The following CNTNAP2 variants were observed in gnomAD, a reference collection of about 807,000 sequenced individuals.
CNTNAP2 encodes contactin-associated protein-like 2.
A neutral mutation model predicts 155.2 loss-of-function variants in CNTNAP2; 98 were observed. That is an observed-to-expected ratio of 0.63 (90% confidence interval 0.54 to 0.75). The LOEUF (loss-of-function observed/expected upper bound fraction) is 0.75. CNTNAP2 is among the 30% of genes least tolerant of loss of function. The pLI is 0.00. For synonymous variants in CNTNAP2, 651 were observed against 631.2 expected (o/e 1.03, Z -0.47); for missense variants, 1,727 against 1,688.1 (o/e 1.02, Z -0.40).
chr7:147,733,535 G>C (rs1796782607), intron 13 of CNTNAP2, among the ~76,000 whole-genome samples: 1 of 152,148 alleles, frequency 6.6e-6, no homozygotes, highest in South Asian at 2.1e-4. Flanking sequence ...CTTTAAAGTA[G>C]TTTTTTCCAA....
At chr7:147,007,963 G>T (rs1165562117) in intron 3 of CNTNAP2, among the ~76,000 whole-genome samples, 5 of 152,032 alleles carry the variant, frequency 3.3e-5, no homozygotes, top group Admixed American at 3.3e-4. Context: ...AATAAAATAA[G>T]TGCAAGTTCA....
intron 14 of CNTNAP2, among the ~76,000 whole-genome samples, chr7:147,930,542 T>A (rs2538998): frequency 0.59 from 89,364 of 152,108 alleles, 29,220 homozygotes; most frequent in African/African-American, 0.86. Flanking sequence ...TGTAACAATT[T>A]TATATGCACC....
At chr7:146,168,949 T>A (rs1798351167) in intron 1 of CNTNAP2, among the ~76,000 whole-genome samples, 1 of 152,084 alleles carries the variant, frequency 6.6e-6, no homozygotes, top group Non-Finnish European at 1.5e-5. Context: ...AACCTACTAT[T>A]CTCCCTCCTG....
At chr7:146,837,648 A>G (rs569547920) in intron 2 of CNTNAP2, among the ~76,000 whole-genome samples, 1 of 152,178 alleles carries the variant, frequency 6.6e-6, no homozygotes, top group African/African-American at 2.4e-5. Context: ...TTATGGATGC[A>G]ATGTTGTTCA....
intron 13 of CNTNAP2, among the ~76,000 whole-genome samples, chr7:147,738,159 T>G (rs1796890077): frequency 6.6e-6 from 1 of 152,120 alleles, no homozygotes; most frequent in East Asian, 1.9e-4. Flanking sequence ...CATCTTGGAA[T>G]CGCCCCCCGA....
chr7:146,856,718 C>T (rs940234894), intron 3 of CNTNAP2, among the ~76,000 whole-genome samples: 5 of 152,062 alleles, frequency 3.3e-5, no homozygotes, highest in African/African-American at 1.2e-4. Context: ...TGAGAAGGAC[C>T]CAACACCGTG....
At chr7:147,530,629 C>T (rs577951156) in intron 11 of CNTNAP2, among the ~76,000 whole-genome samples, 1 of 152,290 alleles carries the variant, frequency 6.6e-6, no homozygotes, top group South Asian at 2.1e-4. Flanking sequence ...TTACCTCCCC[C>T]TCAGTCCCTC....
intron 3 of CNTNAP2, among the ~76,000 whole-genome samples, chr7:146,962,546 G>A (rs191925283): frequency 2.0e-5 from 3 of 151,910 alleles, no homozygotes; most frequent in Non-Finnish European, 4.4e-5. Flanking sequence ...TAGTTTTTTT[G>A]TTTGTTTGTT....
At chr7:147,139,703 G>A (rs1466757676) in intron 8 of CNTNAP2, among the ~76,000 whole-genome samples, 1 of 152,006 alleles carries the variant, frequency 6.6e-6, no homozygotes, top group Admixed American at 6.6e-5. Flanking sequence ...GCCTTCTTGG[G>A]GGAGGGATTC....
chr7:147,827,680 G>A (rs1798477267), intron 13 of CNTNAP2, among the ~76,000 whole-genome samples: 2 of 152,086 alleles, frequency 1.3e-5, no homozygotes, highest in Non-Finnish European at 2.9e-5. Flanking sequence ...GTCACAGGAA[G>A]AAGAAATAGA....
At chr7:147,121,317 G>C (rs1022076181) in intron 6 of CNTNAP2, 154 bp downstream of exon 6, 1 of 692,116 alleles carries the variant, frequency 1.4e-6, no homozygotes, top group South Asian at 2.0e-5. Flanking sequence ...TGATTAATTC[G>C]TTTCATTTTA....
chr7:146,947,543 ATG>A (rs1162152721), intron 3 of CNTNAP2, among the ~76,000 whole-genome samples: 1,263 of 74,238 alleles, frequency 0.017, 16 homozygotes, highest in South Asian at 0.056. Context: ...GTGTGTGTGT[ATG>A]TGTGTGTGTG....
Position 147,634,802 on chromosome 7 carries a change from G to C in CNTNAP2, c.1898-4304G>C, listed in dbSNP as rs561929390. On this transcript the variant is annotated intron_variant, in intron 12 of 23. Coordinates refer to ENST00000361727, the MANE Select transcript of CNTNAP2 (RefSeq NM_014141.6). ...TGCTCAAAATCCTCCAATGCCAACA[G>C]TTGCTTGTTTTCCTTTGACTACAAG... 1.4e-4 allele frequency among the ~76,000 whole-genome samples: 21 copies of C among 152,188 alleles called. No homozygotes were observed. The East Asian group carries it at 2.5e-3, about 18-fold the overall frequency.
chr7:147,448,484 G>GTGTATATATA (rs778509274), intron 10 of CNTNAP2, among the ~76,000 whole-genome samples: 26 of 143,448 alleles, frequency 1.8e-4, no homozygotes, highest in Non-Finnish European at 2.1e-4. Flanking sequence ...GTGTGTGTGT[G>GTGTATATATA]TATATATATA....
chr7:146,696,950 G>A (rs1800792500), intron 1 of CNTNAP2, among the ~76,000 whole-genome samples: 1 of 152,164 alleles, frequency 6.6e-6, no homozygotes. Context: ...CCTGGTGAAT[G>A]TGCCAGGTAG....
chr7:146,256,487 T>C (rs1423316983), intron 1 of CNTNAP2, among the ~76,000 whole-genome samples: 1 of 152,006 alleles, frequency 6.6e-6, no homozygotes, highest in Non-Finnish European at 1.5e-5. Context: ...GTATTTTTGC[T>C]TTCTATGACA....
chr7:148,180,246 G>A (rs1022687188), intron 18 of CNTNAP2, among the ~76,000 whole-genome samples: 1 of 152,148 alleles, frequency 6.6e-6, no homozygotes, highest in Non-Finnish European at 1.5e-5. Flanking sequence ...TTCATTTTCA[G>A]TTGGAACAGG....
chr7:148,186,149 T>C (rs1202947772), intron 18 of CNTNAP2, among the ~76,000 whole-genome samples: 1 of 152,236 alleles, frequency 6.6e-6, no homozygotes, highest in Non-Finnish European at 1.5e-5. Context: ...GCCCCTTTTG[T>C]CACAAAATCA....
intron 8 of CNTNAP2, among the ~76,000 whole-genome samples, chr7:147,246,444 G>C (rs1804071011): frequency 6.6e-6 from 1 of 152,184 alleles, no homozygotes; most frequent in Non-Finnish European, 1.5e-5. Flanking sequence ...AGGCTGGGCA[G>C]TCCAAGCTGC....
Sources: gnomAD v4.1 joint callset for allele counts (sites outside exome capture counted in the v4.1 genomes callset) on GRCh38, gnomAD v4.1.1 for gene constraint, MANE v1.5 for transcripts, NCBI Gene and HGNC (gene_info 2026-07-23, HGNC 2026-07-21) for gene names.